Variants in SLC2A9 observed in about 807,000 individuals in gnomAD.
SLC2A9 encodes solute carrier family 2, facilitated glucose transporter member 9.
A neutral mutation model predicts 50.6 loss-of-function variants in SLC2A9; 39 were observed. The ratio of observed to expected loss-of-function variants is 0.77; its 90% CI spans 0.60 to 1.01. SLC2A9 has a LOEUF of 1.01. Ranked by LOEUF, SLC2A9 falls within the 50% of genes least tolerant of loss-of-function variation. The probability of loss-of-function intolerance (pLI) is 0.00; values close to 1 mark genes in which losing one functional copy is unlikely to be tolerated. For synonymous variants in SLC2A9, 324 were observed against 276.9 expected (o/e 1.17, Z -1.69); for missense variants, 686 against 677.6 (o/e 1.01, Z -0.14).
At chr4:9,807,230 G>A (rs149133614) in intron 3 of SLC2A9, among the ~76,000 whole-genome samples, 1 of 152,208 alleles carries the variant, frequency 6.6e-6, no homozygotes, top group African/African-American at 2.4e-5. Context: ...CAGGGCTGTG[G>A]CCACATTGAA....
intron 3 of SLC2A9, among the ~76,000 whole-genome samples, chr4:9,812,138 C>T (rs1187962482): frequency 4.6e-5 from 7 of 152,158 alleles, no homozygotes; most frequent in Admixed American, 4.6e-4. Context: ...TCGGTTTCAG[C>T]CAAATTTTAT....
intron 2 of SLC2A9, among the ~76,000 whole-genome samples, chr4:10,018,360 T>C (rs3775943): frequency 0.1 from 15,683 of 152,112 alleles, 1,403 homozygotes; most frequent in East Asian, 0.46. Flanking sequence ...GCCTAGCCAA[T>C]ATGGCGGAAC....
intron 5 of SLC2A9, 88 bp downstream of exon 5, chr4:9,980,504 C>T: frequency 1.2e-5 from 19 of 1,592,018 alleles, no homozygotes; most frequent in East Asian, 2.2e-5. Context: ...TTGCAAAATA[C>T]AGGGACCAGC....
At chr4:9,914,103 G>A (rs1374857414) in intron 7 of SLC2A9, among the ~76,000 whole-genome samples, 4 of 152,140 alleles carry the variant, frequency 2.6e-5, no homozygotes, top group African/African-American at 9.7e-5. Flanking sequence ...AGCTGAGATC[G>A]AGCCCTGATC....
At chr4:9,885,995 G>A (rs1050233151) in intron 10 of SLC2A9, among the ~76,000 whole-genome samples, 2 of 152,240 alleles carry the variant, frequency 1.3e-5, no homozygotes, top group African/African-American at 2.4e-5. Flanking sequence ...CAACATGCCT[G>A]TGAACAATGC....
At chr4:9,813,005 T>A (rs1723084648) in intron 3 of SLC2A9, among the ~76,000 whole-genome samples, 1 of 152,226 alleles carries the variant, frequency 6.6e-6, no homozygotes. Flanking sequence ...TCACTCAGTG[T>A]GACCTCTGTT....
In SLC2A9 at chr4:9,780,866, C is replaced by G. The variant is rs542894253; in HGVS notation, n.386-801G>C. On this transcript the variant is annotated intron_variant and non_coding_transcript_variant, in intron 3 of 3. Transcript: ENST00000503803. ...CACTGAGCTATTTATCCATCCCTCTCAAGGTTGAAAAAGAGAAAGGCTGTA... is the reference window on the plus strand; with the variant it reads ...CACTGAGCTATTTATCCATCCCTCTGAAGGTTGAAAAAGAGAAAGGCTGTA... 3.5e-4 allele frequency among the ~76,000 whole-genome samples: 53 copies of G among 152,232 alleles called. No individual in the cohort carries two copies. The South Asian group carries it at 3.5e-3, about 10-fold the overall frequency.
intron 3 of SLC2A9, among the ~76,000 whole-genome samples, chr4:9,784,470 A>G (rs1400672804): frequency 6.6e-6 from 1 of 152,212 alleles, no homozygotes; most frequent in Non-Finnish European, 1.5e-5. Flanking sequence ...AGAGCTTTGA[A>G]ATGTGTGAAT....
At chr4:10,016,074 C>T (rs919029014) in intron 2 of SLC2A9, among the ~76,000 whole-genome samples, 9 of 152,144 alleles carry the variant, frequency 5.9e-5, no homozygotes, top group Admixed American at 1.3e-4. Context: ...GTATGCATGA[C>T]GAGCCGTGGT....
At chr4:9,943,089 C>T (rs550458406) in intron 5 of SLC2A9, among the ~76,000 whole-genome samples, 1 of 152,298 alleles carries the variant, frequency 6.6e-6, no homozygotes. Flanking sequence ...CCACCTCTCC[C>T]CCAGCTGCCC....
intron 8 of SLC2A9, among the ~76,000 whole-genome samples, chr4:9,901,146 C>T (rs1739541347): frequency 6.6e-6 from 1 of 152,144 alleles, no homozygotes; most frequent in South Asian, 2.1e-4. Context: ...GAGCTCAGGC[C>T]CCCAGGGGTT....
At chr4:9,942,554 C>T (rs1398614534) in intron 5 of SLC2A9, among the ~76,000 whole-genome samples, 2 of 152,198 alleles carry the variant, frequency 1.3e-5, no homozygotes, top group African/African-American at 4.8e-5. Flanking sequence ...TTGCAGACCC[C>T]ATGGGAGTGA....
rs1753912972 is a variant in SLC2A9 at position 9,971,556 on chromosome 4, TC to T, written c.681+9035del. Among the ~76,000 whole-genome samples, 3 of 152,290 alleles carry T rather than the reference TC, an allele frequency of 2.0e-5. No homozygotes were observed. In the East Asian group the frequency reaches 5.8e-4, roughly 29 times the overall value. Reference sequence around the variant, plus strand: ...TAGCTAAAAGAGTTTAGACACTAACTCCAATTACACCTTCCAATGTAGGACC... The same window carrying T: ...TAGCTAAAAGAGTTTAGACACTAACTCAATTACACCTTCCAATGTAGGACC... On this transcript the variant is annotated intron_variant, in intron 5 of 11. Transcript: ENST00000264784.
At chr4:10,026,148 C>G, upstream of SLC2A9, 1 of 623,992 alleles carries the variant, frequency 1.6e-6, no homozygotes, top group South Asian at 1.9e-5. Flanking sequence ...CAGCAGCATC[C>G]TCGCTTGGGC....
intron 3 of SLC2A9, chr4:9,782,465 T>C: frequency 6.2e-7 from 1 of 1,613,958 alleles, no homozygotes. Context: ...CTCCAGGCCC[T>C]TCCGCTACAA....
chr4:10,019,080 G>A lies in SLC2A9; in HGVS notation c.151-7C>T, dbSNP rs1338771741. On this transcript the variant is annotated splice_polypyrimidine_tract_variant and splice_region_variant and intron_variant, in intron 1 of 11. Coordinates refer to ENST00000264784, the MANE Select transcript of SLC2A9 (RefSeq NM_020041.3). The stretch of plus-strand genomic sequence containing the variant: ...GGAGCGAGCAGGACCAGTCCTGAGG[G>A]GAGAGGAAACCACGTCAGAGCCGGC... 1.9e-6 allele frequency: 3 copies of A among 1,550,952 alleles called. No individual in the cohort carries two copies. The highest frequency in any genetic ancestry group is 4.9e-5 in the East Asian group (2 of 40,912).
intron 1 of SLC2A9, among the ~76,000 whole-genome samples, chr4:10,033,699 T>G (rs1764007034): frequency 6.6e-6 from 1 of 152,186 alleles, no homozygotes; most frequent in African/African-American, 2.4e-5. Context: ...TGCACTCGCC[T>G]GCTTACCCAC....
intron 6 of SLC2A9, among the ~76,000 whole-genome samples, chr4:9,938,189 A>T (rs1254119940): frequency 6.6e-6 from 1 of 151,972 alleles, no homozygotes; most frequent in East Asian, 1.9e-4. Context: ...CTGGAATTTA[A>T]CCCTGGCTTA....
upstream of SLC2A9, among the ~76,000 whole-genome samples, chr4:10,023,478 C>G (rs1193342646): frequency 6.6e-6 from 1 of 152,200 alleles, no homozygotes; most frequent in Admixed American, 6.5e-5. Flanking sequence ...TTTGCTAAAG[C>G]TCAAATTGGA....
Sources: allele counts gnomAD v4.1 joint callset (sites outside exome capture counted in the v4.1 genomes callset), GRCh38; gene constraint gnomAD v4.1.1; transcripts MANE v1.5; gene names NCBI Gene and HGNC (gene_info 2026-07-23, HGNC 2026-07-21).